Variants in NKAIN3 observed in about 807,000 individuals in gnomAD.
NKAIN3 encodes sodium/potassium-transporting ATPase subunit beta-1-interacting protein 3.
In NKAIN3, 25 loss-of-function variants were observed where a neutral mutation model predicts 30.2. The observed-to-expected ratio is 0.83, with a 90% CI of 0.60 to 1.16. The LOEUF is 1.16. NKAIN3 is among the 50% of genes most tolerant of loss of function. The pLI is 0.00. For missense variants in NKAIN3, 225 were observed against 254.1 expected (o/e 0.89, Z 0.78); for synonymous variants, 91 against 89.6 (o/e 1.02, Z -0.09).
At chr8:62,386,218 T>C (rs2129594256) in intron 1 of NKAIN3, among the ~76,000 whole-genome samples, 1 of 152,358 alleles carries the variant, frequency 6.6e-6, no homozygotes, top group East Asian at 1.9e-4. Context: ...TTGCAAGTTG[T>C]GTGAAATCAG....
chr8:62,444,985 C>T (rs886332697), intron 1 of NKAIN3, among the ~76,000 whole-genome samples: 15 of 152,104 alleles, frequency 9.9e-5, no homozygotes, highest in Middle Eastern at 3.4e-3. Flanking sequence ...CTCGCTCTGT[C>T]ACCAGGCTGG....
At chr8:62,527,925 G>T (rs1443500906) in intron 1 of NKAIN3, among the ~76,000 whole-genome samples, 1 of 147,072 alleles carries the variant, frequency 6.8e-6, no homozygotes, top group Non-Finnish European at 1.5e-5. Flanking sequence ...GTGACAGAGA[G>T]ACAGAGAGAC....
rs148080472 is a variant in NKAIN3, at chr8:62,440,597, G to A, written c.55-138942G>A. ...TGTCCCTGCGACCTGTGTACATGTT[G>A]ATTCTCAAGTTTTTGTTACCAAAAA... On this transcript the variant is annotated intron_variant, in intron 1 of 6. Transcript: ENST00000623646. Among the ~76,000 whole-genome samples, 1,089 of 152,080 alleles carry A rather than the reference G, an allele frequency of 7.2e-3. 11 individuals carry two copies. Among genetic ancestry groups the A allele is most frequent in the African/African-American group, 0.023 (951 of 41,494 alleles).
At chr8:62,328,762 A>G (rs1385259923) in intron 1 of NKAIN3, among the ~76,000 whole-genome samples, 1 of 152,058 alleles carries the variant, frequency 6.6e-6, no homozygotes, top group Non-Finnish European at 1.5e-5. Flanking sequence ...TTAGTAATTC[A>G]TTCTCAAATA....
chr8:62,818,808 G>T (rs1159867215), intron 4 of NKAIN3, among the ~76,000 whole-genome samples: 3 of 151,992 alleles, frequency 2.0e-5, no homozygotes, highest in African/African-American at 7.2e-5. Context: ...GTATATACAG[G>T]CTAGATCCTA....
intron 1 of NKAIN3, among the ~76,000 whole-genome samples, chr8:62,258,208 A>G (rs1236064708): frequency 1.3e-5 from 2 of 152,188 alleles, no homozygotes; most frequent in Non-Finnish European, 2.9e-5. Flanking sequence ...TTAGGACAAG[A>G]TACACATTAA....
At chr8:62,340,914 C>T (rs1000626080) in intron 1 of NKAIN3, among the ~76,000 whole-genome samples, 1 of 149,388 alleles carries the variant, frequency 6.7e-6, no homozygotes, top group African/African-American at 2.5e-5. Flanking sequence ...CATCTTCATT[C>T]ATTCTTCAAA....
chr8:62,724,825 T>A (rs1385536702), intron 3 of NKAIN3, among the ~76,000 whole-genome samples: 3 of 152,152 alleles, frequency 2.0e-5, no homozygotes, highest in Non-Finnish European at 4.4e-5. Context: ...TTGTGAAGAG[T>A]GCTGCAATAA....
intron 1 of NKAIN3, among the ~76,000 whole-genome samples, chr8:62,509,141 A>C (rs1375899110): frequency 6.6e-6 from 1 of 152,160 alleles, no homozygotes; most frequent in Non-Finnish European, 1.5e-5. Context: ...CATGAACTCT[A>C]CATGTGATGA....
chr8:62,349,217 AG>A (rs755404401), intron 1 of NKAIN3, among the ~76,000 whole-genome samples: 7 of 152,094 alleles, frequency 4.6e-5, no homozygotes, highest in Non-Finnish European at 8.8e-5. Context: ...AGTTGCTTGG[AG>A]GGTCCAGGTG....
At position 62,835,710 on chromosome 8, in the gene NKAIN3, G is replaced by C. The variant is rs149837410; in HGVS notation, c.472-82743G>C. 6.6e-5 allele frequency among the ~76,000 whole-genome samples: 10 copies of C among 152,184 alleles called. No homozygotes were observed. The East Asian group carries it at 1.9e-3, about 29-fold the overall frequency. ...AAACAACAGATGCTGGTGAGGCTGT[G>C]AAGAAAAAGAAACACTTACACCCTG... On this transcript the variant is annotated intron_variant, in intron 4 of 6. Coordinates refer to ENST00000623646, the MANE Select transcript of NKAIN3 (RefSeq NM_001304533.3).
intron 1 of NKAIN3, among the ~76,000 whole-genome samples, chr8:62,481,908 A>G (rs1212955177): frequency 2.0e-5 from 3 of 152,208 alleles, no homozygotes; most frequent in Non-Finnish European, 4.4e-5. Flanking sequence ...GAATGAATCT[A>G]TGCTGTGAAT....
At chr8:62,696,436 C>T (rs892409810) in intron 3 of NKAIN3, among the ~76,000 whole-genome samples, 2 of 152,228 alleles carry the variant, frequency 1.3e-5, no homozygotes, top group Non-Finnish European at 2.9e-5. Context: ...TGGATTAATT[C>T]TCCATTTCTA....
intron 1 of NKAIN3, among the ~76,000 whole-genome samples, chr8:62,472,045 G>A (rs1475660629): frequency 8.1e-6 from 1 of 122,864 alleles, no homozygotes; most frequent in African/African-American, 3.0e-5. Context: ...AAAAAAAAAA[G>A]TCTTCAGCTC....
At chr8:62,395,249 A>G (rs12543410) in intron 1 of NKAIN3, among the ~76,000 whole-genome samples, 13,602 of 148,352 alleles carry the variant, frequency 0.092, 810 homozygotes, top group African/African-American at 0.16. Flanking sequence ...GTGGCCAGGC[A>G]GAGGCGCTCC....
intron 1 of NKAIN3, among the ~76,000 whole-genome samples, chr8:62,418,981 C>T (rs1020166181): frequency 6.6e-6 from 1 of 152,152 alleles, no homozygotes; most frequent in African/African-American, 2.4e-5. Flanking sequence ...TATAGCCCTA[C>T]ATAGCCAAAA....
chr8:62,800,791 C>T (rs539031697), intron 4 of NKAIN3, among the ~76,000 whole-genome samples: 8 of 151,442 alleles, frequency 5.3e-5, no homozygotes, highest in Non-Finnish European at 8.9e-5. Flanking sequence ...GTGCACCATG[C>T]GCAAGCTGAA....
intron 1 of NKAIN3, among the ~76,000 whole-genome samples, chr8:62,433,603 G>C (rs914336100): frequency 4.6e-5 from 7 of 152,082 alleles, no homozygotes; most frequent in Non-Finnish European, 7.4e-5. Context: ...TTATCAGACG[G>C]TGGGATTTTT....
intron 1 of NKAIN3, 71 bp downstream of exon 1, chr8:62,249,198 C>A: frequency 7.6e-7 from 1 of 1,316,960 alleles, no homozygotes; most frequent in Non-Finnish European, 1.0e-6. Flanking sequence ...ACTCCCTCTG[C>A]GGTTCCGCAG....
Sources: allele counts gnomAD v4.1 joint callset (sites outside exome capture counted in the v4.1 genomes callset), GRCh38; gene constraint gnomAD v4.1.1; transcripts MANE v1.5; gene names NCBI Gene and HGNC (gene_info 2026-07-23, HGNC 2026-07-21).